ARHGEF28: variants seen among roughly 807,000 people sequenced by gnomAD.
ARHGEF28 encodes the protein 190 kDa guanine nucleotide exchange factor.
ARHGEF28 carries 152 observed loss-of-function variants against 206.6 expected under a neutral mutation model. The ratio of observed to expected loss-of-function variants is 0.74; its 90% CI spans 0.64 to 0.84. ARHGEF28 has a LOEUF of 0.84. Ranked by LOEUF, ARHGEF28 falls within the 40% of genes least tolerant of loss-of-function variation. ARHGEF28 has a pLI of 0.00. For missense variants in ARHGEF28, 2,028 were observed against 2,073.2 expected, an observed-to-expected ratio of 0.98 and a Z score of 0.42; for synonymous variants, 763 against 776.4, an observed-to-expected ratio of 0.98 and a Z score of 0.29.
chr5:73,857,832 C>A, intron 15 of ARHGEF28, 53 bp downstream of exon 15: 1 of 1,549,544 alleles, frequency 6.5e-7, no homozygotes, highest in South Asian at 1.2e-5. Context: ...TTTAGTTTCT[C>A]AGCAGTTAGT....
intron 4 of ARHGEF28, among the ~76,000 whole-genome samples, chr5:73,770,789 C>T (rs1403666779): frequency 6.6e-6 from 1 of 152,244 alleles, no homozygotes; most frequent in Non-Finnish European, 1.5e-5. Context: ...AGAAGATTCT[C>T]TCTTCCCCTG....
intron 2 of ARHGEF28, among the ~76,000 whole-genome samples, chr5:73,710,213 A>T (rs1190226363): frequency 6.6e-6 from 1 of 152,202 alleles, no homozygotes; most frequent in Non-Finnish European, 1.5e-5. Context: ...ATTCACCAGC[A>T]TGTTGTATTA....
chr5:73,804,010 A>G (rs1755287782), intron 9 of ARHGEF28, among the ~76,000 whole-genome samples: 1 of 145,604 alleles, frequency 6.9e-6, no homozygotes, highest in Admixed American at 7.1e-5. Context: ...GCTTGAGCCC[A>G]GGAGTTCAAG....
At chr5:73,919,693 T>C (rs1449427895) in intron 35 of ARHGEF28, among the ~76,000 whole-genome samples, 1 of 152,242 alleles carries the variant, frequency 6.6e-6, no homozygotes, top group Non-Finnish European at 1.5e-5. Context: ...AGGAATATTC[T>C]AGTGTAAACT....
At chr5:73,702,523 T>C (rs1748664594) in intron 2 of ARHGEF28, among the ~76,000 whole-genome samples, 1 of 152,232 alleles carries the variant, frequency 6.6e-6, no homozygotes, top group Admixed American at 6.5e-5. Context: ...AGTATCCGTT[T>C]GAGTCCCTGC....
Position 73,909,563 on chromosome 5 carries a change from C to T in ARHGEF28, c.4313C>T (p.Ala1438Val). The T allele has an allele frequency of 1.9e-6, 3 of 1,570,374 alleles. No individual in the cohort carries two copies. The highest frequency in any genetic ancestry group is 2.6e-6 in the Non-Finnish European group (3 of 1,157,958). Reference sequence around the variant, plus strand: ...GCGGACAGGCAGCATGAGGAGCTGGCCAATGTGCACCAGCTTCAGCACCAG... The same window carrying T: ...GCGGACAGGCAGCATGAGGAGCTGGTCAATGTGCACCAGCTTCAGCACCAG... ...RDADRQHEEL[A>V]NVHQLQHQLQ... is the part of the protein sequence containing the mutation. Residue 1438 changes from alanine (A) to valine (V), a missense_variant, in exon 34 of 36, where the codon GCC (alanine) becomes GTC (valine). Around this residue, in one of 3 missense-constraint regions of ARHGEF28, gnomAD observed 803 missense variants for 768.0 expected, o/e 1.05. Coordinates refer to ENST00000513042, the MANE Select transcript of ARHGEF28 (RefSeq NM_001177693.2).
At chr5:73,800,792 C>G (rs1036099196) in intron 9 of ARHGEF28, among the ~76,000 whole-genome samples, 2 of 152,080 alleles carry the variant, frequency 1.3e-5, no homozygotes, top group African/African-American at 4.8e-5. Flanking sequence ...AGAAACAAAG[C>G]CTCCCCACCC....
chr5:73,859,324 T>TGGGAATTTTGGAA (rs1459482221), intron 16 of ARHGEF28, among the ~76,000 whole-genome samples: 3 of 152,168 alleles, frequency 2.0e-5, no homozygotes, highest in African/African-American at 7.2e-5. Context: ...TTTCATGGTA[T>TGGGAATTTTGGAA]TTGTTGATCG....
At chr5:73,635,236 G>A (rs928010007) in intron 1 of ARHGEF28, among the ~76,000 whole-genome samples, 2 of 152,124 alleles carry the variant, frequency 1.3e-5, no homozygotes, top group African/African-American at 4.8e-5. Context: ...CCAGCTACTC[G>A]GGAGGCTAAG....
chr5:73,896,602 C>T (rs539422656), intron 29 of ARHGEF28, among the ~76,000 whole-genome samples: 2 of 152,110 alleles, frequency 1.3e-5, no homozygotes, highest in Non-Finnish European at 2.9e-5. Flanking sequence ...TTGGTCTAGA[C>T]CAGTGCCATT....
At chr5:73,830,719 C>A (rs1757244663) in intron 9 of ARHGEF28, among the ~76,000 whole-genome samples, 1 of 152,086 alleles carries the variant, frequency 6.6e-6, no homozygotes, top group African/African-American at 2.4e-5. Context: ...ACAATTCATA[C>A]AACTTTGGAA....
At chr5:73,801,613 G>T (rs1033953649) in intron 9 of ARHGEF28, among the ~76,000 whole-genome samples, 1 of 152,030 alleles carries the variant, frequency 6.6e-6, no homozygotes, top group Non-Finnish European at 1.5e-5. Flanking sequence ...AACATGGGAG[G>T]GGGGGACCTT....
chr5:73,935,236 G>A (rs1650439), intron 35 of ARHGEF28, among the ~76,000 whole-genome samples: 93,072 of 152,038 alleles, frequency 0.61, 28,738 homozygotes, highest in East Asian at 0.82. Context: ...TCACAAATTT[G>A]TACATGTGTT....
rs74852106 is a variant in ARHGEF28 at position 73,888,772 on chromosome 5, A to G, written c.3387+1093A>G. 2.7e-3 allele frequency among the ~76,000 whole-genome samples: 418 copies of G among 152,254 alleles called. 13 individuals carry two copies. The East Asian group carries it at 0.072, about 26-fold the overall frequency. ...TATGATTCTTTCCCTCTTGTCTCAT[A>G]TGACCTCCTGAGGCATTATCTGTGC... On this transcript the variant is annotated intron_variant, in intron 26 of 35. Transcript: ENST00000513042.
At chr5:73,922,358 C>T (rs948907278) in intron 35 of ARHGEF28, among the ~76,000 whole-genome samples, 2 of 152,228 alleles carry the variant, frequency 1.3e-5, no homozygotes, top group Non-Finnish European at 2.9e-5. Flanking sequence ...AGAAAGGAGA[C>T]ATGTTTCCAT....
intron 35 of ARHGEF28, among the ~76,000 whole-genome samples, chr5:73,912,099 A>G (rs753063020): frequency 1.9e-4 from 29 of 152,108 alleles, no homozygotes; most frequent in African/African-American, 3.6e-4. Context: ...TTGTCTCTCC[A>G]TAAGTACCTC....
intron 35 of ARHGEF28, among the ~76,000 whole-genome samples, chr5:73,915,485 G>T (rs1447611431): frequency 6.6e-6 from 1 of 152,080 alleles, no homozygotes; most frequent in African/African-American, 2.4e-5. Context: ...TGGAAGAGAT[G>T]GTTGGCTTAA....
chr5:73,875,716 G>C (rs1316817700), intron 22 of ARHGEF28, among the ~76,000 whole-genome samples: 8 of 151,528 alleles, frequency 5.3e-5, no homozygotes, highest in Admixed American at 5.2e-4. Flanking sequence ...GTTTGTCAAA[G>C]ATCAGATAGT....
intron 18 of ARHGEF28, among the ~76,000 whole-genome samples, chr5:73,866,850 T>C (rs1407565274): frequency 6.6e-6 from 1 of 152,206 alleles, no homozygotes; most frequent in Non-Finnish European, 1.5e-5. Context: ...GCAGGAATTT[T>C]AAGTGCATGG....
Sources: allele counts gnomAD v4.1 joint callset (sites outside exome capture counted in the v4.1 genomes callset), GRCh38; gene constraint gnomAD v4.1.1; regional missense constraint gnomAD v4.1.1; transcripts MANE v1.5; gene names NCBI Gene and HGNC (gene_info 2026-07-23, HGNC 2026-07-21).